Variants in BCAS4 observed in about 807,000 individuals in gnomAD.
BCAS4 encodes the protein breast carcinoma amplified sequence 4.
A neutral mutation model predicts 15.7 loss-of-function variants in BCAS4; 9 were observed. The observed-to-expected ratio is 0.57, with a 90% CI of 0.34 to 1.00. The LOEUF is 1.00. Among genes scored for constraint, BCAS4 ranks in the 50% least tolerant of loss-of-function variants. The pLI, the probability that BCAS4 is intolerant of heterozygous loss-of-function variation, is 0.02. For missense variants in BCAS4, 225 were observed against 239.1 expected, an observed-to-expected ratio of 0.94 and a Z score of 0.39; for synonymous variants, 101 against 99.5, an observed-to-expected ratio of 1.02 and a Z score of -0.09.
rs562958014 is a variant in BCAS4 at position 50,840,291 on chromosome 20, A to G, written c.265-1475A>G. Among the ~76,000 whole-genome samples, 3 of 152,376 alleles carry G rather than the reference A, an allele frequency of 2.0e-5. No individual in the cohort carries two copies. The East Asian group carries it at 5.8e-4, about 29-fold the overall frequency. On this transcript the variant is annotated intron_variant, in intron 3 of 4. Transcript: ENST00000371608. ...ATTAAAATCATTTGAACAACAAGAA[A>G]AAAATGGCACTCTGATTAAACTGCA...
At position 50,816,120 on chromosome 20, in the gene BCAS4, G is replaced by T. The variant is rs577703866; in HGVS notation, c.91-2091G>T. On this transcript the variant is annotated intron_variant, in intron 1 of 4. Transcript: ENST00000371608. Reference sequence around the variant, plus strand: ...GGCTCACCGCAACCTCCTCCTTCTGGGTTCAAGCAGTCCTCCTGCCTCAGC... The same window carrying T: ...GGCTCACCGCAACCTCCTCCTTCTGTGTTCAAGCAGTCCTCCTGCCTCAGC... Among the ~76,000 whole-genome samples, 6 of 135,694 alleles carry T rather than the reference G, an allele frequency of 4.4e-5. No individual in the cohort carries two copies. In the South Asian group the frequency reaches 1.4e-3, roughly 31 times the overall value. The allele number at this position is 135,694 out of a possible 152,430, so 89.0% of individuals were successfully genotyped here.
In BCAS4 at chr20:50,840,617, A is replaced by G. The variant is rs1393387702; in HGVS notation, c.265-1149A>G. ...GCATATTGACGGCACACGCCTCATT[A>G]CGATTCGCCTGCTTGCTTCTCCTGT... is the stretch of plus-strand genomic sequence containing the variant. On this transcript the variant is annotated intron_variant, in intron 3 of 4. Coordinates refer to ENST00000371608, the MANE Select transcript of BCAS4 (RefSeq NM_198799.4). 3 of 1,598,804 alleles carry G rather than the reference A, an allele frequency of 1.9e-6. No homozygotes were observed. The African/African-American group carries it at 4.0e-5, about 21-fold the overall frequency.
chr20:50,814,547 C>T (rs150199850), intron 1 of BCAS4, among the ~76,000 whole-genome samples: 211 of 152,348 alleles, frequency 1.4e-3, no homozygotes, highest in Non-Finnish European at 2.5e-3. Context: ...AGCCTCCCAG[C>T]GTTGGGATTA....
intron 4 of BCAS4, among the ~76,000 whole-genome samples, chr20:50,872,786 C>T (rs1233770733): frequency 6.6e-6 from 1 of 152,206 alleles, no homozygotes; most frequent in African/African-American, 2.4e-5. Flanking sequence ...GGGTTACTCA[C>T]CCACGTGTCT....
chr20:50,850,230 C>T, intron 4 of BCAS4, among the ~76,000 whole-genome samples: 2 of 152,362 alleles, frequency 1.3e-5, no homozygotes, highest in South Asian at 4.1e-4. Flanking sequence ...TGCCTCATCT[C>T]AATTTCCTGT....
In BCAS4 at chr20:50,830,287, T is replaced by G; in HGVS notation, c.171T>G (p.Ser57Arg). Residue 57 changes from serine to arginine, a missense_variant, in exon 3 of 5, where the codon AGT becomes AGG. Transcript: ENST00000371608. The stretch of plus-strand genomic sequence containing the variant: ...TGTTTTGTTCCTTGCAGATCAGGAG[T>G]GATACTTCACAGATCCTGGAGGAAA... ...EFCSLADLIR[S>R]DTSQILEENI... 1 of 1,613,512 alleles carries G rather than the reference T, an allele frequency of 6.2e-7. No homozygotes were observed. Among genetic ancestry groups the G allele is most frequent in the Non-Finnish European group, 8.5e-7 (1 of 1,179,594 alleles).
At chr20:50,860,373 T>TC (rs1219497425) in intron 4 of BCAS4, among the ~76,000 whole-genome samples, 4 of 152,182 alleles carry the variant, frequency 2.6e-5, no homozygotes, top group Non-Finnish European at 5.9e-5. Flanking sequence ...TCCCGCCAGG[T>TC]CCCCTGTGCT....
At chr20:50,867,640 A>G (rs1199817453) in intron 4 of BCAS4, among the ~76,000 whole-genome samples, 1 of 152,054 alleles carries the variant, frequency 6.6e-6, no homozygotes, top group Non-Finnish European at 1.5e-5. Flanking sequence ...TTGGCCAGGC[A>G]TGGTGGCTCA....
At chr20:50,808,246 A>G (rs1003380533) in intron 1 of BCAS4, among the ~76,000 whole-genome samples, 2 of 152,186 alleles carry the variant, frequency 1.3e-5, no homozygotes, top group African/African-American at 4.8e-5. Context: ...GTTGATTGAT[A>G]GGCATTTGGG....
chr20:50,864,820 G>A (rs898249947), intron 4 of BCAS4, among the ~76,000 whole-genome samples: 4 of 152,100 alleles, frequency 2.6e-5, no homozygotes, highest in South Asian at 2.1e-4. Flanking sequence ...TTGGCTGGGC[G>A]CAGTGGCTCA....
chr20:50,801,140 T>C (rs1319392193), intron 1 of BCAS4, among the ~76,000 whole-genome samples: 1 of 151,514 alleles, frequency 6.6e-6, no homozygotes. Context: ...AAGTCTGTGA[T>C]GGGGGGCCGG....
intron 2 of BCAS4, among the ~76,000 whole-genome samples, chr20:50,820,906 A>G (rs560297835): frequency 6.8e-5 from 10 of 147,636 alleles, no homozygotes; most frequent in East Asian, 1.9e-4. Context: ...TCTGGGGGGG[A>G]AAAAAGCAGG....
chr20:50,805,284 A>G (rs2426199), intron 1 of BCAS4, among the ~76,000 whole-genome samples: 64,761 of 151,964 alleles, frequency 0.43, 16,367 homozygotes, highest in African/African-American at 0.72. Flanking sequence ...TCCCATCTTT[A>G]TAGATTTGCC....
At position 50,876,603 on chromosome 20, in the gene BCAS4, T is replaced by A. The variant is rs753550516; in HGVS notation, c.517T>A (p.Leu173Met). Residue 173 changes from leucine (L) to methionine (M), a missense_variant, in exon 5 of 5, where the codon TTG becomes ATG. Coordinates refer to ENST00000371608, the MANE Select transcript of BCAS4 (RefSeq NM_198799.4). Reference protein sequence around the residue: ...QHHPRTCPRPL With the variant: ...QHHPRTCPRPM ...CCACCCCCGCACCTGCCCTCGGCCT[T>A]TGTGAGCTTTGTGGTCTTCCCATCA... is the stretch of plus-strand genomic sequence containing the variant. 1 of 1,613,718 alleles carries A rather than the reference T, an allele frequency of 6.2e-7. No homozygotes were observed. Among genetic ancestry groups the A allele is most frequent in the Non-Finnish European group, 8.5e-7 (1 of 1,179,776 alleles).
chr20:50,817,884 T>A (rs1600857049), intron 1 of BCAS4, among the ~76,000 whole-genome samples: 1 of 152,228 alleles, frequency 6.6e-6, no homozygotes, highest in African/African-American at 2.4e-5. Context: ...TTGAGCAGGT[T>A]ACCCCACCTC....
At chr20:50,809,446 C>A (rs768571558) in intron 1 of BCAS4, among the ~76,000 whole-genome samples, 1 of 152,014 alleles carries the variant, frequency 6.6e-6, no homozygotes, top group East Asian at 1.9e-4. Context: ...TGATCTCAAG[C>A]GATCCACCCG....
At chr20:50,798,727 G>A (rs6126103) in intron 1 of BCAS4, among the ~76,000 whole-genome samples, 1 of 152,112 alleles carries the variant, frequency 6.6e-6, no homozygotes, top group Non-Finnish European at 1.5e-5. Flanking sequence ...GGAGAGCCTA[G>A]GTCTCCGTCA....
intron 1 of BCAS4, among the ~76,000 whole-genome samples, chr20:50,808,594 T>C (rs758066809): frequency 2.6e-5 from 4 of 152,238 alleles, no homozygotes; most frequent in Non-Finnish European, 5.9e-5. Context: ...GGATTTGCAT[T>C]TCCTTGATCA....
At chr20:50,834,864 A>G (rs1333316000) in intron 3 of BCAS4, among the ~76,000 whole-genome samples, 1 of 152,116 alleles carries the variant, frequency 6.6e-6, no homozygotes, top group Admixed American at 6.5e-5. Context: ...AGGTTCATCT[A>G]TGTTGTAGCA....
Sources: allele counts gnomAD v4.1 joint callset (sites outside exome capture counted in the v4.1 genomes callset), GRCh38; gene constraint gnomAD v4.1.1; transcripts MANE v1.5; gene names NCBI Gene and HGNC (gene_info 2026-07-23, HGNC 2026-07-21).